Variants in NBAS observed in about 807,000 individuals in gnomAD.
NBAS encodes the protein NBAS subunit of NRZ tethering complex.
Under a neutral mutation model 302.5 loss-of-function variants are expected in NBAS, and 219 were observed. The ratio of observed to expected loss-of-function variants is 0.72; its 90% CI spans 0.65 to 0.81. NBAS has a LOEUF of 0.81. Ranked by LOEUF, NBAS falls within the 30% of genes least tolerant of loss-of-function variation. The pLI is 0.00. For missense variants in NBAS, 2,932 were observed against 2,841.6 expected, an observed-to-expected ratio of 1.03 and a Z score of -0.72; for synonymous variants, 1,118 against 1,021.6, an observed-to-expected ratio of 1.09 and a Z score of -1.80.
At chr2:15,473,981 T>C (rs1289290833) in intron 15 of NBAS, 86 bp downstream of exon 15, 9 of 1,531,920 alleles carry the variant, frequency 5.9e-6, no homozygotes, top group Non-Finnish European at 8.1e-6. Flanking sequence ...CTTGAAATTT[T>C]CTCCTTTATT....
intron 48 of NBAS, among the ~76,000 whole-genome samples, chr2:15,213,771 C>G (rs945666107): frequency 6.6e-6 from 1 of 152,082 alleles, no homozygotes; most frequent in Non-Finnish European, 1.5e-5. Context: ...AGCGAGAGGG[C>G]AAATATTTAA....
At chr2:15,367,017 T>C (rs1195504297) in intron 31 of NBAS, among the ~76,000 whole-genome samples, 3 of 152,148 alleles carry the variant, frequency 2.0e-5, no homozygotes, top group Non-Finnish European at 4.4e-5. Flanking sequence ...GAGACAGTAT[T>C]TGTCTCTAAA....
At chr2:14,883,398 G>GCAAT in the NBAS span, among the ~76,000 whole-genome samples, 1 of 152,040 alleles carries the variant, frequency 6.6e-6, no homozygotes, top group Admixed American at 6.6e-5. Flanking sequence ...CTTTATGCTT[G>GCAAT]CAATCTCTCT....
the NBAS span, among the ~76,000 whole-genome samples, chr2:14,906,678 T>G: frequency 6.6e-6 from 1 of 152,170 alleles, no homozygotes; most frequent in Admixed American, 6.5e-5. Context: ...CACCAGAATC[T>G]GGGGCAGAAC....
chr2:15,218,653 C>G, intron 48 of NBAS, 120 bp downstream of exon 48: 1 of 1,320,774 alleles, frequency 7.6e-7, no homozygotes, highest in Non-Finnish European at 1.1e-6. Context: ...GTCTTGAACT[C>G]CTGGCCTCAG....
the NBAS span, among the ~76,000 whole-genome samples, chr2:15,058,978 C>T: frequency 1.8e-3 from 280 of 152,284 alleles, 3 homozygotes; most frequent in East Asian, 0.048. Flanking sequence ...TCAGTATCTG[C>T]TTCTAGCCCA....
At chr2:14,873,574 A>G in the NBAS span, among the ~76,000 whole-genome samples, 1 of 152,114 alleles carries the variant, frequency 6.6e-6, no homozygotes, top group African/African-American at 2.4e-5. Context: ...GTGATAAAAC[A>G]GATTTTAATA....
At chr2:15,243,110 A>T (rs1294510084) in intron 44 of NBAS, among the ~76,000 whole-genome samples, 1 of 152,138 alleles carries the variant, frequency 6.6e-6, no homozygotes, top group Admixed American at 6.5e-5. Context: ...AGCCACCATC[A>T]TCTCTCATAA....
the NBAS span, among the ~76,000 whole-genome samples, chr2:14,799,938 T>A: frequency 1.3e-5 from 2 of 152,162 alleles, no homozygotes; most frequent in Non-Finnish European, 2.9e-5. Flanking sequence ...TTTAACCTAT[T>A]TTTGTCTTTA....
chr2:14,970,157 T>A, the NBAS span, among the ~76,000 whole-genome samples: 2 of 152,168 alleles, frequency 1.3e-5, no homozygotes, highest in South Asian at 4.1e-4. Flanking sequence ...TGAATCAGAT[T>A]CTCCATGGGG....
At position 15,561,250 on chromosome 2, in the gene NBAS, C is replaced by A. The variant is rs770335179; in HGVS notation, c.55G>T (p.Glu19Ter). ...ALSPGTAEGE[E>*]ETILYDLLVN... The stretch of plus-strand genomic sequence containing the variant: ...AACAAGTCATAGAGAATCGTCTCCT[C>A]CTCACCCTCTGCAGTGCCTGGACTC... The change falls in exon 1 of 52, where the codon GAG becomes TAG. Residue 19 changes from glutamate (E) to a stop codon, truncating the protein, a stop_gained. Coordinates refer to ENST00000281513, the MANE Select transcript of NBAS (RefSeq NM_015909.4). LOFTEE classifies it high-confidence loss of function. The A allele has an allele frequency of 6.2e-7, 1 of 1,613,920 alleles. No individual in the cohort carries two copies. The highest frequency in any genetic ancestry group is 1.1e-5 in the South Asian group (1 of 91,080).
chr2:15,360,330 T>TAAAAAA (rs551926742), intron 32 of NBAS, among the ~76,000 whole-genome samples: 7 of 92,994 alleles, frequency 7.5e-5, no homozygotes, highest in Middle Eastern at 5.8e-3. Context: ...TACCATAACT[T>TAAAAAA]AAAAAAAAAA....
Position 15,517,851 on chromosome 2 carries a change from C to T in NBAS, c.747-6501G>A, listed in dbSNP as rs555210560. Among the ~76,000 whole-genome samples, 7 of 152,258 alleles carry T rather than the reference C, an allele frequency of 4.6e-5. No homozygotes were observed. In the East Asian group the frequency reaches 1.4e-3, roughly 29 times the overall value. ...TAGACTGGGAGGTTCAGTTCGCTGC[C>T]ATACCCAGCATCACAAGAATATCCT... On this transcript the variant is annotated intron_variant, in intron 9 of 51. Coordinates refer to ENST00000281513, the MANE Select transcript of NBAS (RefSeq NM_015909.4).
intron 42 of NBAS, among the ~76,000 whole-genome samples, chr2:15,283,500 T>C (rs1188489128): frequency 1.3e-5 from 2 of 152,286 alleles, no homozygotes; most frequent in Non-Finnish European, 2.9e-5. Context: ...TGCTCTGCAC[T>C]TCTCCTTCCT....
chr2:14,898,329 G>T, the NBAS span, among the ~76,000 whole-genome samples: 1 of 152,154 alleles, frequency 6.6e-6, no homozygotes, highest in Admixed American at 6.5e-5. Context: ...AGTAAGACTT[G>T]AGAGGTGCTA....
chr2:14,842,742 C>T, the NBAS span, among the ~76,000 whole-genome samples: 1 of 151,006 alleles, frequency 6.6e-6, no homozygotes, highest in Non-Finnish European at 1.5e-5. Context: ...ATTTAAAGAA[C>T]TAAGAATAAT....
intron 48 of NBAS, among the ~76,000 whole-genome samples, chr2:15,190,811 A>T (rs1317024459): frequency 6.6e-6 from 1 of 152,190 alleles, no homozygotes; most frequent in Non-Finnish European, 1.5e-5. Context: ...ATGAAATCCT[A>T]ATCTTCATGT....
intron 47 of NBAS, among the ~76,000 whole-genome samples, chr2:15,230,008 G>T (rs1276088276): frequency 1.3e-5 from 2 of 152,086 alleles, no homozygotes; most frequent in African/African-American, 4.8e-5. Flanking sequence ...TATGAGTGAG[G>T]TTATTGTCAA....
At chr2:15,402,134 A>G in intron 26 of NBAS, 34 bp downstream of exon 26, 1 of 1,612,300 alleles carries the variant, frequency 6.2e-7, no homozygotes, top group Non-Finnish European at 8.5e-7. Flanking sequence ...AGAATAAAAA[A>G]ACACAATAAG....
Sources: allele counts gnomAD v4.1 joint callset (sites outside exome capture counted in the v4.1 genomes callset), GRCh38; gene constraint gnomAD v4.1.1; transcripts MANE v1.5; gene names NCBI Gene and HGNC (gene_info 2026-07-23, HGNC 2026-07-21).